The following SH3BGRL2 variants were observed in gnomAD, a reference collection of about 807,000 sequenced individuals.
SH3BGRL2 encodes SH3 domain-binding glutamic acid-rich-like protein 2.
Under a neutral mutation model 14.8 loss-of-function variants are expected in SH3BGRL2, and 21 were observed. That is an observed-to-expected ratio of 1.42 (90% CI 1.01 to 2.05). SH3BGRL2 has a LOEUF of 2.05. Among genes scored for constraint, SH3BGRL2 ranks in the 30% most tolerant of loss-of-function variants. The pLI, the probability that SH3BGRL2 is intolerant of heterozygous loss-of-function variation, is 0.00. For synonymous variants in SH3BGRL2, 50 were observed against 47.8 expected (o/e 1.05, Z -0.19); for missense variants, 147 against 130.8 (o/e 1.12, Z -0.61).
chr6:79,694,530 A>T (rs1405391194), intron 2 of SH3BGRL2, among the ~76,000 whole-genome samples: 1 of 152,198 alleles, frequency 6.6e-6, no homozygotes, highest in Non-Finnish European at 1.5e-5. Context: ...ACAAGAAATT[A>T]CAAATTTTCG....
the SH3BGRL2 span, among the ~76,000 whole-genome samples, chr6:79,613,334 A>G: frequency 3.3e-5 from 5 of 152,226 alleles, no homozygotes; most frequent in South Asian, 1.0e-3. Flanking sequence ...AATGTCTGAA[A>G]TAGGAAAGTC....
the SH3BGRL2 span, among the ~76,000 whole-genome samples, chr6:79,552,272 G>T: frequency 6.6e-6 from 1 of 152,122 alleles, no homozygotes; most frequent in African/African-American, 2.4e-5. Context: ...CTGTGAACTG[G>T]GTGAGCTGTG....
At chr6:79,634,393 T>C (rs1453463106) in intron 1 of SH3BGRL2, among the ~76,000 whole-genome samples, 2 of 152,224 alleles carry the variant, frequency 1.3e-5, no homozygotes, top group Non-Finnish European at 2.9e-5. Context: ...CACATTGTAT[T>C]GTAGGGAAAT....
intron 1 of SH3BGRL2, among the ~76,000 whole-genome samples, chr6:79,665,477 C>T (rs375144786): frequency 6.6e-5 from 10 of 151,848 alleles, no homozygotes; most frequent in Non-Finnish European, 4.4e-5. Context: ...AAAGCCTCAG[C>T]GTGATGAGAT....
At chr6:79,550,599 T>G in the SH3BGRL2 span, among the ~76,000 whole-genome samples, 25 of 152,274 alleles carry the variant, frequency 1.6e-4, no homozygotes, top group Non-Finnish European at 2.8e-4. Context: ...CATGATCTTA[T>G]AGAGTTAGCT....
chr6:79,552,958 A>G, the SH3BGRL2 span: 6 of 152,220 alleles, frequency 3.9e-5, no homozygotes, highest in Admixed American at 1.3e-4. Context: ...ATAAGACCCT[A>G]TGTCCTAGGG....
chr6:79,685,963 C>T (rs1770082360), intron 2 of SH3BGRL2, among the ~76,000 whole-genome samples: 1 of 152,154 alleles, frequency 6.6e-6, no homozygotes, highest in Admixed American at 6.5e-5. Context: ...ACATAGTGTG[C>T]CTACCTAGTA....
chr6:79,640,756 C>T (rs1440217591), intron 1 of SH3BGRL2, among the ~76,000 whole-genome samples: 3 of 151,796 alleles, frequency 2.0e-5, no homozygotes, highest in Non-Finnish European at 4.4e-5. Flanking sequence ...ACGTTGGGTG[C>T]GACTGAGGGC....
the SH3BGRL2 span, among the ~76,000 whole-genome samples, chr6:79,549,379 T>C: frequency 6.6e-6 from 1 of 152,232 alleles, no homozygotes; most frequent in Non-Finnish European, 1.5e-5. Flanking sequence ...CTATCATCAA[T>C]GTAAACATAT....
the SH3BGRL2 span, among the ~76,000 whole-genome samples, chr6:79,617,618 A>G: frequency 2.0e-5 from 3 of 152,222 alleles, no homozygotes; most frequent in East Asian, 3.8e-4. Flanking sequence ...GTTTCATGAC[A>G]TTGACTTTTA....
At chr6:79,603,693 C>G in the SH3BGRL2 span, among the ~76,000 whole-genome samples, 2 of 152,148 alleles carry the variant, frequency 1.3e-5, no homozygotes, top group Admixed American at 1.3e-4. Context: ...CATTGTGGCC[C>G]ACAATGATAT....
chr6:79,596,993 G>A, the SH3BGRL2 span, among the ~76,000 whole-genome samples: 1 of 152,166 alleles, frequency 6.6e-6, no homozygotes, highest in Non-Finnish European at 1.5e-5. Flanking sequence ...ACTTTGGGAG[G>A]CCGAGGCGGG....
At chr6:79,676,076 C>G (rs1248830298) in intron 2 of SH3BGRL2, among the ~76,000 whole-genome samples, 1 of 152,070 alleles carries the variant, frequency 6.6e-6, no homozygotes, top group African/African-American at 2.4e-5. Flanking sequence ...GGTCTTTTCT[C>G]AGATGGTGGT....
chr6:79,643,206 G>T (rs1247949191), intron 1 of SH3BGRL2, among the ~76,000 whole-genome samples: 5 of 152,146 alleles, frequency 3.3e-5, no homozygotes, highest in Admixed American at 6.5e-5. Flanking sequence ...AGCATGTCTA[G>T]GATTATTCAG....
In SH3BGRL2 at chr6:79,631,444, C is replaced by T. The variant is rs1768821234; in HGVS notation, c.-18C>T. The T allele has an allele frequency of 4.0e-6, 6 of 1,518,742 alleles. No homozygotes were observed. The highest frequency in any genetic ancestry group is 5.3e-6 in the Non-Finnish European group (6 of 1,133,234). 94.1% of individuals were successfully genotyped at this position (1,518,742 alleles called of 1,614,324 possible). On this transcript the variant is annotated 5_prime_UTR_variant, in exon 1 of 4. Coordinates refer to ENST00000369838, the MANE Select transcript of SH3BGRL2 (RefSeq NM_031469.4). ...GGAGCCCGGGGGGCAAGGGGTCTGT[C>T]CCGGGCGCAGCGAGAGGATGGTCAT...
At chr6:79,692,304 G>A (rs1164538779) in intron 2 of SH3BGRL2, among the ~76,000 whole-genome samples, 2 of 152,208 alleles carry the variant, frequency 1.3e-5, no homozygotes, top group Non-Finnish European at 2.9e-5. Flanking sequence ...TATTTTGTAG[G>A]TTGCCTGTTC....
At chr6:79,572,165 A>C in the SH3BGRL2 span, among the ~76,000 whole-genome samples, 4 of 152,188 alleles carry the variant, frequency 2.6e-5, no homozygotes, top group Non-Finnish European at 4.4e-5. Context: ...TGCATTTAGT[A>C]TTAACTCATT....
chr6:79,562,758 A>G, the SH3BGRL2 span, among the ~76,000 whole-genome samples: 1 of 152,234 alleles, frequency 6.6e-6, no homozygotes, highest in African/African-American at 2.4e-5. Context: ...GTCTTGGACC[A>G]TACATAAAAT....
the SH3BGRL2 span, among the ~76,000 whole-genome samples, chr6:79,575,797 A>T: frequency 6.6e-6 from 1 of 152,054 alleles, no homozygotes. Flanking sequence ...ATTTTATTTT[A>T]TCTATTCTCA....
Sources: allele counts gnomAD v4.1 joint callset (sites outside exome capture counted in the v4.1 genomes callset), GRCh38; gene constraint gnomAD v4.1.1; transcripts MANE v1.5; gene names NCBI Gene and HGNC (gene_info 2026-07-23, HGNC 2026-07-21).